GMPR: variants seen among roughly 807,000 people sequenced by gnomAD.
GMPR encodes GMP reductase 1.
In GMPR, 31 loss-of-function variants were observed where a neutral mutation model predicts 38.4. The observed-to-expected ratio is 0.81, with a 90% CI of 0.61 to 1.09. GMPR has a LOEUF of 1.09. GMPR is among the 50% of genes least tolerant of loss of function. GMPR has a pLI of 0.00. For synonymous variants in GMPR, 162 were observed against 173.3 expected (o/e 0.93, Z 0.51); for missense variants, 468 against 453.7 (o/e 1.03, Z -0.29).
chr6:16,289,847 AATTTTTTTTTT>A (rs1759800272), intron 7 of GMPR: 4 of 90,122 alleles, frequency 4.4e-5, no homozygotes, highest in Non-Finnish European at 6.2e-5. Flanking sequence ...GATACTGCCC[AATTTTTTTTTT>A]TTTTTTTTTT....
At chr6:16,292,090 G>A (rs2113349962) in intron 8 of GMPR, among the ~76,000 whole-genome samples, 1 of 152,296 alleles carries the variant, frequency 6.6e-6, no homozygotes, top group Non-Finnish European at 1.5e-5. Context: ...CTTTTTCCAG[G>A]AAAGTTCAGG....
intron 4 of GMPR, among the ~76,000 whole-genome samples, chr6:16,265,965 A>G (rs1759198557): frequency 6.6e-6 from 1 of 152,042 alleles, no homozygotes; most frequent in Admixed American, 6.5e-5. Context: ...GGAGAAAGGA[A>G]CAATTGTGGA....
chr6:16,274,648 C>A, intron 5 of GMPR, 152 bp downstream of exon 5: 1 of 587,158 alleles, frequency 1.7e-6, no homozygotes, highest in Non-Finnish European at 3.0e-6. Flanking sequence ...TTGAGCTTCT[C>A]GGGGAAGCCC....
intron 4 of GMPR, chr6:16,258,140 A>G (rs971485845): frequency 5.9e-5 from 9 of 152,252 alleles, no homozygotes; most frequent in African/African-American, 1.9e-4. Flanking sequence ...CATCAAGGGC[A>G]CATGCTCTGA....
chr6:16,269,346 G>T (rs193183087), intron 4 of GMPR, among the ~76,000 whole-genome samples: 1 of 152,188 alleles, frequency 6.6e-6, no homozygotes, highest in Admixed American at 6.5e-5. Context: ...AGATCTTTCC[G>T]AACTTATTTT....
At chr6:16,246,357 A>T (rs1758755508) in intron 1 of GMPR, among the ~76,000 whole-genome samples, 1 of 152,230 alleles carries the variant, frequency 6.6e-6, no homozygotes, top group African/African-American at 2.4e-5. Context: ...TTTTTGAAAG[A>T]TCCTCATAAT....
intron 3 of GMPR, among the ~76,000 whole-genome samples, chr6:16,252,698 G>A (rs1758899479): frequency 6.6e-6 from 1 of 152,164 alleles, no homozygotes; most frequent in Non-Finnish European, 1.5e-5. Context: ...AGTGAGAGAA[G>A]GCAACCAATC....
At chr6:16,256,528 C>CAAAAAA (rs1006257648) in intron 4 of GMPR, among the ~76,000 whole-genome samples, 2 of 33,942 alleles carry the variant, frequency 5.9e-5, no homozygotes, top group South Asian at 1.1e-3. Context: ...GACTCTGTCT[C>CAAAAAA]AAAAAAAAAA....
intron 6 of GMPR, among the ~76,000 whole-genome samples, chr6:16,280,375 A>G (rs1209416633): frequency 6.6e-6 from 1 of 152,098 alleles, no homozygotes; most frequent in Non-Finnish European, 1.5e-5. Context: ...TTTTTCACCC[A>G]CCCATCCATT....
At chr6:16,294,273 G>GAT (rs1238289545) in intron 8 of GMPR, among the ~76,000 whole-genome samples, 2 of 152,210 alleles carry the variant, frequency 1.3e-5, no homozygotes, top group Non-Finnish European at 2.9e-5. Flanking sequence ...TGTGCAGGGT[G>GAT]ATAGGTGTAG....
At chr6:16,288,934 A>G (rs1759759011) in intron 7 of GMPR, among the ~76,000 whole-genome samples, 1 of 152,196 alleles carries the variant, frequency 6.6e-6, no homozygotes, top group South Asian at 2.1e-4. Flanking sequence ...TTGTAAACAC[A>G]CCAATCAGCG....
At chr6:16,256,958 C>G (rs1758992243) in intron 4 of GMPR, among the ~76,000 whole-genome samples, 1 of 152,172 alleles carries the variant, frequency 6.6e-6, no homozygotes, top group African/African-American at 2.4e-5. Flanking sequence ...TGACACATGG[C>G]TCTTAAATCC....
chr6:16,274,138 G>A (rs1439712266), intron 4 of GMPR, among the ~76,000 whole-genome samples: 2 of 152,034 alleles, frequency 1.3e-5, no homozygotes, highest in Non-Finnish European at 2.9e-5. Context: ...TGTTGTTGTT[G>A]TTGATTGCTG....
At chr6:16,258,004 T>G (rs1335113462) in intron 4 of GMPR, 1 of 152,196 alleles carries the variant, frequency 6.6e-6, no homozygotes. Context: ...TTTCTGAATC[T>G]CACTTTCCTC....
chr6:16,285,608 G>A (rs983495428), intron 6 of GMPR, among the ~76,000 whole-genome samples, 185 bp from the exon 7 acceptor site: 3 of 152,186 alleles, frequency 2.0e-5, no homozygotes, highest in Non-Finnish European at 4.4e-5. Flanking sequence ...GGAGTGAAAG[G>A]TGCAATATTG....
At position 16,246,889 on chromosome 6, in the gene GMPR, C is replaced by T. The variant is rs1329526326; in HGVS notation, c.135C>T (p.Tyr45=). Residue 45 remains tyrosine (Y), a synonymous_variant, in exon 2 of 9, where the codon TAC becomes TAT. Coordinates refer to ENST00000259727, the MANE Select transcript of GMPR (RefSeq NM_006877.4). ...CGTTTCGAAATTCAAAGCAGACCTA[C>T]TCAGGGATTCCCATCATCGTGGCCA... The part of the protein sequence containing the change: ...TFTFRNSKQT[Y]SGIPIIVANM... 5 of 1,613,436 alleles carry T rather than the reference C, an allele frequency of 3.1e-6. No individual in the cohort carries two copies. The South Asian group carries it at 4.4e-5, about 14-fold the overall frequency.
Position 16,246,978 on chromosome 6 carries a change from T to C in GMPR, c.207+17T>C, listed in dbSNP as rs1210353846. 6.2e-7 allele frequency: 1 copy of C among 1,611,116 alleles called. No individual in the cohort carries two copies. Among genetic ancestry groups the C allele is most frequent in the Non-Finnish European group, 8.5e-7 (1 of 1,179,064 alleles). ...ATGTCACAGGTGAGGCGGTAGGCTTTTGTTTTTTCCCTTTGCTGCTCACAC... is the reference window on the plus strand; with the variant it reads ...ATGTCACAGGTGAGGCGGTAGGCTTCTGTTTTTTCCCTTTGCTGCTCACAC... On this transcript the variant is annotated intron_variant, in intron 2 of 8. Coordinates refer to ENST00000259727, the MANE Select transcript of GMPR (RefSeq NM_006877.4).
rs1759921434 is a variant in GMPR, at chr6:16,295,480, CTTT to C, written c.*295_*297del. On this transcript the variant is annotated 3_prime_UTR_variant, in exon 9 of 9. Transcript: ENST00000259727. ...TCTTTTTCTCTTTCTCTCTCCCTTT[CTTT>C]GTTTTTCTTTCTTTTTTAAAAGAAG... 1 of 287,834 alleles carries C rather than the reference CTTT, an allele frequency of 3.5e-6. No homozygotes were observed. Among genetic ancestry groups the C allele is most frequent in the Non-Finnish European group, 6.4e-6 (1 of 157,008 alleles). 17.8% of individuals were successfully genotyped at this position (287,834 alleles called of 1,614,324 possible). A position where few individuals can be genotyped will look rare whatever the true frequency, so the allele number is the denominator to read the frequency against.
At chr6:16,257,004 C>T (rs558264572) in intron 4 of GMPR, among the ~76,000 whole-genome samples, 8 of 152,332 alleles carry the variant, frequency 5.3e-5, no homozygotes, top group South Asian at 4.1e-4. Flanking sequence ...CACAGCTGCT[C>T]TTGTCCTAAC....
Sources: gnomAD v4.1 joint callset for allele counts (sites outside exome capture counted in the v4.1 genomes callset) on GRCh38, gnomAD v4.1.1 for gene constraint, MANE v1.5 for transcripts, NCBI Gene and HGNC (gene_info 2026-07-23, HGNC 2026-07-21) for gene names.